LONRF2: variants seen among roughly 807,000 people sequenced by gnomAD.
The protein encoded by LONRF2 is LON peptidase N-terminal domain and RING finger protein 2.
In LONRF2, 35 loss-of-function variants were observed where a neutral mutation model predicts 66.6. That is an observed-to-expected ratio of 0.53 (90% confidence interval 0.40 to 0.70). The LOEUF is 0.70. Ranked by LOEUF, LONRF2 falls within the 30% of genes least tolerant of loss-of-function variation. LONRF2 has a pLI of 0.00. For synonymous variants in LONRF2, 417 were observed against 418.1 expected (o/e 1.00, Z 0.03); for missense variants, 902 against 1,002.1 (o/e 0.90, Z 1.35).
rs932225482 is a variant in LONRF2, at chr2:100,284,195, A to G, written c.*103T>C. On this transcript the variant is annotated 3_prime_UTR_variant, in exon 12 of 12. Transcript: ENST00000393437. ...GGCAAGCGTCCCATTTTGGAACCTC[A>G]TCCACAAGCACTTGATGAAGCACAA... The G allele has an allele frequency of 1.8e-6, 2 of 1,129,350 alleles. No individual in the cohort carries two copies. The highest frequency in any genetic ancestry group is 2.4e-6 in the Non-Finnish European group (2 of 823,724). 70.0% of individuals were successfully genotyped at this position (1,129,350 alleles called of 1,614,324 possible).
At chr2:100,307,484 A>C (rs961770066) in intron 2 of LONRF2, among the ~76,000 whole-genome samples, 1 of 152,242 alleles carries the variant, frequency 6.6e-6, no homozygotes, top group Admixed American at 6.5e-5. Flanking sequence ...CTAGCTTCAG[A>C]GGGCAATGCA....
chr2:100,277,445 C>T lies in LONRF2; in HGVS notation c.*6853G>A, dbSNP rs1674622620. The T allele has an allele frequency of 6.6e-6, 1 of 152,258 alleles. No individual in the cohort carries two copies. The highest frequency in any genetic ancestry group is 2.4e-5 in the African/African-American group (1 of 41,448). 9.4% of individuals were successfully genotyped at this position (152,258 alleles called of 1,614,324 possible). A position where few individuals can be genotyped will look rare whatever the true frequency, so the allele number is the denominator to read the frequency against. On this transcript the variant is annotated 3_prime_UTR_variant, in exon 12 of 12. Coordinates refer to ENST00000393437, the MANE Select transcript of LONRF2 (RefSeq NM_198461.4). Reference sequence around the variant, plus strand: ...CAAAACTACCGATGCCTCCTTAACACAGGACAGAGTCAAGCCTGGGCCCTC... The same window carrying T: ...CAAAACTACCGATGCCTCCTTAACATAGGACAGAGTCAAGCCTGGGCCCTC...
intron 2 of LONRF2, among the ~76,000 whole-genome samples, chr2:100,304,812 T>TTTTC (rs1675259613): frequency 6.7e-6 from 1 of 149,026 alleles, no homozygotes; most frequent in African/African-American, 2.5e-5. Flanking sequence ...TTTTTTTTTT[T>TTTTC]AGTTGAGATG....
chr2:100,321,949 T>C lies in LONRF2; in HGVS notation c.145A>G (p.Met49Val), dbSNP rs763946037. ...TCCGGCTGCGCCAGCCCGGCTAGCA[T>C]GGAGCGAAAGAGCTCGGCTGCCATC... ...YEMAAELFRS[M>V]LAGLAQPDRG... The change falls in exon 1 of 12, where the codon ATG becomes GTG. Residue 49 changes from methionine (M) to valine (V), a missense_variant. By Grantham distance (21) the Met-to-Val change is conservative. Coordinates refer to ENST00000393437, the MANE Select transcript of LONRF2 (RefSeq NM_198461.4). 3.9e-5 allele frequency: 56 copies of C among 1,453,086 alleles called. No individual in the cohort carries two copies. The highest frequency in any genetic ancestry group is 5.0e-5 in the Non-Finnish European group (55 of 1,102,566). The allele number at this position is 1,453,086 out of a possible 1,614,324, so 90.0% of individuals were successfully genotyped here. A position where few individuals can be genotyped will look rare whatever the true frequency, so the allele number is the denominator to read the frequency against.
At chr2:100,317,662 T>C (rs1675534931) in intron 1 of LONRF2, among the ~76,000 whole-genome samples, 1 of 152,216 alleles carries the variant, frequency 6.6e-6, no homozygotes, top group Non-Finnish European at 1.5e-5. Flanking sequence ...TAAAATCCTT[T>C]AGCTTGAGTT....
intron 7 of LONRF2, 71 bp from the exon 8 acceptor site, chr2:100,295,624 G>T: frequency 6.7e-7 from 1 of 1,489,994 alleles, no homozygotes; most frequent in Non-Finnish European, 9.1e-7. Flanking sequence ...CGAGTGGAAA[G>T]GTGAACAAGG....
At position 100,309,195 on chromosome 2, in the gene LONRF2, C is replaced by A; in HGVS notation, c.710G>T (p.Arg237Leu). The A allele has an allele frequency of 6.2e-7, 1 of 1,607,058 alleles. No individual in the cohort carries two copies. Among genetic ancestry groups the A allele is most frequent in the Non-Finnish European group, 8.5e-7 (1 of 1,177,868 alleles). Residue 237 changes from arginine to leucine, a missense_variant, in exon 2 of 12, where the codon CGG becomes CTG. Physicochemically the swap from Arg to Leu is moderately radical, Grantham distance 102. Coordinates refer to ENST00000393437, the MANE Select transcript of LONRF2 (RefSeq NM_198461.4). ...APDDNSLLLL[R>L]AELYLTMKNY... ...CTTCATGGTCAAATATAACTCCGCC[C>A]GCAGCAGCAATAATGAATTATCATC...
At chr2:100,288,640 G>A (rs1674894834) in intron 10 of LONRF2, among the ~76,000 whole-genome samples, 1 of 152,056 alleles carries the variant, frequency 6.6e-6, no homozygotes, top group Non-Finnish European at 1.5e-5. Context: ...CAATTACAAA[G>A]CCAACCCCAC....
intron 2 of LONRF2, among the ~76,000 whole-genome samples, chr2:100,308,094 G>T (rs962481729): frequency 3.9e-5 from 6 of 152,230 alleles, no homozygotes; most frequent in Non-Finnish European, 8.8e-5. Context: ...GGGAGGCCGG[G>T]CGTGGTGGCT....
chr2:100,303,944 C>A (rs950275895), intron 2 of LONRF2, among the ~76,000 whole-genome samples: 2 of 151,982 alleles, frequency 1.3e-5, no homozygotes, highest in East Asian at 3.9e-4. Flanking sequence ...ATTGCACATA[C>A]GTTGTACCAC....
chr2:100,276,235 A>G lies in LONRF2; in HGVS notation c.*8063T>C, dbSNP rs963962822. On this transcript the variant is annotated 3_prime_UTR_variant, in exon 12 of 12. Transcript: ENST00000393437. ...AATGTACCCATTGACAAAGCTTCATAGTCTTAACACTGGGGCTCAAATTAC... is the reference window on the plus strand; with the variant it reads ...AATGTACCCATTGACAAAGCTTCATGGTCTTAACACTGGGGCTCAAATTAC... 4.6e-5 allele frequency: 7 copies of G among 152,216 alleles called. No homozygotes were observed. Among genetic ancestry groups the G allele is most frequent in the Admixed American group, 4.6e-4 (7 of 15,280 alleles). The allele number at this position is 152,216 out of a possible 1,614,324, so 9.4% of individuals were successfully genotyped here.
rs1326277646 is a variant in LONRF2 at position 100,322,409 on chromosome 2, T to G, written c.-316A>C. ...GGCCTCTCAGTCCCGCCGGCTTAGG[T>G]AACCCAGGTCGCTGCGGTAACGCAG... On this transcript the variant is annotated 5_prime_UTR_variant, in exon 1 of 12. Transcript: ENST00000393437. 4.3e-6 allele frequency: 1 copy of G among 230,862 alleles called. No homozygotes were observed. The highest frequency in any genetic ancestry group is 8.9e-5 in the East Asian group (1 of 11,202). The allele number at this position is 230,862 out of a possible 1,614,324, so 14.3% of individuals were successfully genotyped here.
chr2:100,287,661 A>C (rs1310332623), intron 10 of LONRF2, among the ~76,000 whole-genome samples: 2 of 152,240 alleles, frequency 1.3e-5, no homozygotes, highest in African/African-American at 2.4e-5. Flanking sequence ...CGGCCACAGC[A>C]CCTTAGACTG....
chr2:100,321,693 G>C lies in LONRF2; in HGVS notation c.401C>G (p.Pro134Arg), dbSNP rs1236873145. ...APGEGGPAPE[P>R]RAPRDLLGCP... ...GCCGAGCAGGTCGCGGGGCGCGCGG[G>C]GCTCCGGGGCCGGCCCTCCCTCGCC... The change falls in exon 1 of 12, where the codon CCC (proline) becomes CGC (arginine). Residue 134 changes from proline (P) to arginine (R), a missense_variant. By Grantham distance (103) the Pro-to-Arg change is moderately radical (BLOSUM62 -2). Around this residue, in one of 2 missense-constraint regions of LONRF2, gnomAD observed 585 missense variants for 569.9 expected, o/e 1.03. Transcript: ENST00000393437. 4.1e-6 allele frequency: 5 copies of C among 1,218,984 alleles called. No individual in the cohort carries two copies. The highest frequency in any genetic ancestry group is 4.1e-6 in the Non-Finnish European group (4 of 983,122). The allele number at this position is 1,218,984 out of a possible 1,614,324, so 75.5% of individuals were successfully genotyped here.
chr2:100,282,259 A>T lies in LONRF2; in HGVS notation c.*2039T>A, dbSNP rs897903038. 9 of 152,228 alleles carry T rather than the reference A, an allele frequency of 5.9e-5. No individual in the cohort carries two copies. The highest frequency in any genetic ancestry group is 3.2e-3 in the Middle Eastern group (1 of 316). 9.4% of individuals were successfully genotyped at this position (152,228 alleles called of 1,614,324 possible). A position where few individuals can be genotyped will look rare whatever the true frequency, so the allele number is the denominator to read the frequency against. Reference sequence around the variant, plus strand: ...AACTGTGTGACCTTATGACATTTAAAGAGTGAGGAAGAGAAAGCAACAGGT... The same window carrying T: ...AACTGTGTGACCTTATGACATTTAATGAGTGAGGAAGAGAAAGCAACAGGT... On this transcript the variant is annotated 3_prime_UTR_variant, in exon 12 of 12. Transcript: ENST00000393437.
At chr2:100,288,589 A>C (rs983072577) in intron 10 of LONRF2, among the ~76,000 whole-genome samples, 1 of 152,194 alleles carries the variant, frequency 6.6e-6, no homozygotes, top group African/African-American at 2.4e-5. Flanking sequence ...CCAGATAGAC[A>C]TTTCCACTAC....
At chr2:100,298,654 G>GTA (rs150668331) in intron 7 of LONRF2, among the ~76,000 whole-genome samples, 182 bp downstream of exon 7, 1,922 of 152,294 alleles carry the variant, frequency 0.013, 52 homozygotes, top group African/African-American at 0.044. Flanking sequence ...AGCAATTTCT[G>GTA]TATGTCAACC....
Position 100,322,277 on chromosome 2 carries a change from G to A in LONRF2, c.-184C>T, listed in dbSNP as rs1165843373. ...GGGGCGGGCGCCTGGCTTGGGCAGC[G>A]TCCTCAGCGCGGTGTGGGCGGCGAG... On this transcript the variant is annotated 5_prime_UTR_variant, in exon 1 of 12. The change creates a new upstream start codon in the 5' untranslated region. Transcript: ENST00000393437. 2 of 478,960 alleles carry A rather than the reference G, an allele frequency of 4.2e-6. No individual in the cohort carries two copies. Among genetic ancestry groups the A allele is most frequent in the Non-Finnish European group, 6.3e-6 (2 of 316,780 alleles). 29.7% of individuals were successfully genotyped at this position (478,960 alleles called of 1,614,324 possible). A position where few individuals can be genotyped will look rare whatever the true frequency, so the allele number is the denominator to read the frequency against.
At chr2:100,284,741 A>T (rs1438942040) in intron 11 of LONRF2, among the ~76,000 whole-genome samples, 1 of 152,254 alleles carries the variant, frequency 6.6e-6, no homozygotes, top group African/African-American at 2.4e-5. Flanking sequence ...AGATTCTATG[A>T]ATTAGTTGCT....
Sources: gnomAD v4.1 joint callset for allele counts (sites outside exome capture counted in the v4.1 genomes callset) on GRCh38, gnomAD v4.1.1 for gene constraint, gnomAD v4.1.1 regional missense constraint, MANE v1.5 for transcripts, NCBI Gene and HGNC (gene_info 2026-07-23, HGNC 2026-07-21) for gene names.